The following BCAR3 variants were observed in gnomAD, a reference collection of about 807,000 sequenced individuals.
BCAR3 encodes BCAR3 adaptor protein, NSP family member.
A neutral mutation model predicts 80.1 loss-of-function variants in BCAR3; 37 were observed. The ratio of observed to expected loss-of-function variants is 0.46; its 90% CI spans 0.36 to 0.61. The LOEUF (loss-of-function observed/expected upper bound fraction) is 0.61, where lower values mean the gene tolerates loss of function less well. Ranked by LOEUF, BCAR3 falls within the 20% of genes least tolerant of loss-of-function variation. The pLI is 0.00. For missense variants in BCAR3, 978 were observed against 1,068.2 expected, an observed-to-expected ratio of 0.92 and a Z score of 1.18; for synonymous variants, 389 against 418.9, an observed-to-expected ratio of 0.93 and a Z score of 0.87.
At chr1:93,612,342 T>C (rs988396440) in intron 3 of BCAR3, among the ~76,000 whole-genome samples, 3 of 147,804 alleles carry the variant, frequency 2.0e-5, no homozygotes, top group Admixed American at 6.7e-5. Flanking sequence ...CCACCAAGAG[T>C]GGCCACGGTG....
chr1:93,620,754 T>G (rs112759914), intron 3 of BCAR3, among the ~76,000 whole-genome samples: 7 of 152,302 alleles, frequency 4.6e-5, no homozygotes, highest in African/African-American at 1.7e-4. Context: ...CTCCTTCATA[T>G]TTCCCCGCCC....
At chr1:93,786,085 C>T (rs905942618) in intron 2 of BCAR3, among the ~76,000 whole-genome samples, 1 of 132,970 alleles carries the variant, frequency 7.5e-6, no homozygotes, top group Admixed American at 8.0e-5. Flanking sequence ...CCCAGCTACT[C>T]GGGAGGCTGA....
chr1:93,653,976 C>A (rs1463334830), intron 2 of BCAR3, among the ~76,000 whole-genome samples: 4 of 152,268 alleles, frequency 2.6e-5, no homozygotes, highest in African/African-American at 4.8e-5. Flanking sequence ...GCCAGCTCCA[C>A]AATTTGCTCT....
chr1:93,720,865 C>T (rs1650369729), intron 2 of BCAR3, among the ~76,000 whole-genome samples: 2 of 152,136 alleles, frequency 1.3e-5, no homozygotes, highest in Non-Finnish European at 2.9e-5. Context: ...AATGAAGAAG[C>T]TGCCGGAACT....
At chr1:93,790,356 GATTT>G (rs1653099812) in intron 2 of BCAR3, among the ~76,000 whole-genome samples, 1 of 152,010 alleles carries the variant, frequency 6.6e-6, no homozygotes, top group Admixed American at 6.6e-5. Flanking sequence ...TATGTGAGTT[GATTT>G]ATCCAGAACT....
chr1:93,845,493 TATATA>T (rs1415651170), intron 2 of BCAR3: 5,971 of 37,922 alleles, frequency 0.16, 1,020 homozygotes, highest in African/African-American at 0.37. Flanking sequence ...TATATATATA[TATATA>T]TATAAAACTT....
chr1:93,640,186 C>T (rs557811209), intron 3 of BCAR3, among the ~76,000 whole-genome samples: 1 of 152,258 alleles, frequency 6.6e-6, no homozygotes, highest in East Asian at 1.9e-4. Context: ...ACTTATGAGG[C>T]CTTCCTGGCA....
intron 2 of BCAR3, among the ~76,000 whole-genome samples, chr1:93,836,030 T>C (rs747020149): frequency 1.1e-4 from 16 of 152,134 alleles, no homozygotes; most frequent in Non-Finnish European, 1.9e-4. Context: ...CCATCCTCAA[T>C]CTTCAGGAAA....
intron 3 of BCAR3, among the ~76,000 whole-genome samples, chr1:93,595,851 T>C (rs1674399164): frequency 6.6e-6 from 1 of 152,252 alleles, no homozygotes; most frequent in Admixed American, 6.5e-5. Context: ...GTCATGCATG[T>C]CTGCAACATT....
At chr1:93,611,600 C>T (rs892765195) in intron 3 of BCAR3, among the ~76,000 whole-genome samples, 2 of 152,214 alleles carry the variant, frequency 1.3e-5, no homozygotes, top group South Asian at 2.1e-4. Flanking sequence ...AGGGCCAGCA[C>T]ATCCCTGATC....
chr1:93,687,473 AATTTTTGT>A (rs1649015579), intron 3 of BCAR3, among the ~76,000 whole-genome samples: 1 of 152,006 alleles, frequency 6.6e-6, no homozygotes, highest in Non-Finnish European at 1.5e-5. Flanking sequence ...ATGCCAGGCT[AATTTTTGT>A]ATTTTTGTAG....
chr1:93,712,949 C>T (rs1469619972), intron 2 of BCAR3, among the ~76,000 whole-genome samples: 1 of 152,200 alleles, frequency 6.6e-6, no homozygotes. Flanking sequence ...TAGATGTTAT[C>T]AGCATTTTCT....
intron 2 of BCAR3, among the ~76,000 whole-genome samples, chr1:93,644,470 G>A (rs1057186619): frequency 2.0e-5 from 3 of 152,142 alleles, no homozygotes; most frequent in Admixed American, 6.5e-5. Context: ...CCACCTTTCT[G>A]GACCAAATCA....
At chr1:93,826,512 A>T (rs1654377151) in intron 2 of BCAR3, among the ~76,000 whole-genome samples, 1 of 151,940 alleles carries the variant, frequency 6.6e-6, no homozygotes, top group South Asian at 2.1e-4. Flanking sequence ...TCTCCCTTTC[A>T]CAGCTTCATT....
At chr1:93,778,808 C>A (rs1557685668) in intron 2 of BCAR3, among the ~76,000 whole-genome samples, 1 of 152,180 alleles carries the variant, frequency 6.6e-6, no homozygotes, top group South Asian at 2.1e-4. Context: ...TCGAGGGAAG[C>A]CTTTCTGAAG....
chr1:93,665,102 C>T (rs752431567), intron 2 of BCAR3, among the ~76,000 whole-genome samples: 3 of 152,152 alleles, frequency 2.0e-5, no homozygotes, highest in Admixed American at 6.5e-5. Flanking sequence ...CCTGTCTTCC[C>T]GGGCAGACAC....
chr1:93,585,954 A>T (rs1015085644), intron 5 of BCAR3, among the ~76,000 whole-genome samples: 1 of 152,184 alleles, frequency 6.6e-6, no homozygotes, highest in Non-Finnish European at 1.5e-5. Flanking sequence ...GTATATATTT[A>T]TGGGGTACAT....
chr1:93,831,799 C>T lies in BCAR3; in HGVS notation c.-63+13768G>A, dbSNP rs190271431. Among the ~76,000 whole-genome samples, 290 of 152,266 alleles carry T rather than the reference C, an allele frequency of 1.9e-3. 1 individual carries two copies. Among genetic ancestry groups the T allele is most frequent in the African/African-American group, 6.5e-3 (268 of 41,542 alleles). On this transcript the variant is annotated intron_variant, in intron 2 of 13. Transcript: ENST00000370244. Reference sequence around the variant, plus strand: ...TATCATCCCCTCCTCACATCCTGTCCGGCTTACTGTTTCTTTCCGCAACTA... The same window carrying T: ...TATCATCCCCTCCTCACATCCTGTCTGGCTTACTGTTTCTTTCCGCAACTA...
chr1:93,790,408 C>T (rs564960155), intron 2 of BCAR3, among the ~76,000 whole-genome samples: 25 of 152,170 alleles, frequency 1.6e-4, no homozygotes, highest in African/African-American at 5.8e-4. Flanking sequence ...AATTGCTTAA[C>T]TTACCATTCA....
Sources: gnomAD v4.1 joint callset for allele counts (sites outside exome capture counted in the v4.1 genomes callset) on GRCh38, gnomAD v4.1.1 for gene constraint, MANE v1.5 for transcripts, NCBI Gene and HGNC (gene_info 2026-07-23, HGNC 2026-07-21) for gene names.